CHRM3: variants seen among roughly 807,000 people sequenced by gnomAD.
The protein encoded by CHRM3 is muscarinic acetylcholine receptor M3.
A neutral mutation model predicts 41.8 loss-of-function variants in CHRM3; 11 were observed. That is an observed-to-expected ratio of 0.26 (90% CI 0.17 to 0.44). CHRM3 has a LOEUF of 0.44. Among genes scored for constraint, CHRM3 ranks in the 20% least tolerant of loss-of-function variants. CHRM3 has a pLI of 1.00. For missense variants in CHRM3, 571 were observed against 745.4 expected (o/e 0.77, Z 2.72); for synonymous variants, 297 against 301.4 (o/e 0.99, Z 0.15).
At chr1:239,708,278 TC>T (rs778011400) in intron 5 of CHRM3, among the ~76,000 whole-genome samples, 8 of 152,208 alleles carry the variant, frequency 5.3e-5, no homozygotes, top group Admixed American at 5.2e-4. Flanking sequence ...TCATCAGTGC[TC>T]ATCAGCTGTA....
At chr1:239,413,091 A>C in intron 1 of CHRM3, among the ~76,000 whole-genome samples, 1 of 5,698 alleles carries the variant, frequency 1.8e-4, no homozygotes, top group East Asian at 8.6e-3. Flanking sequence ...AACAAAAACA[A>C]AAATGAAAAA....
Position 239,907,697 on chromosome 1 carries a change from C to A in CHRM3, c.246C>A (p.Thr82=). 6.2e-7 allele frequency: 1 copy of A among 1,614,180 alleles called. No homozygotes were observed. Among genetic ancestry groups the A allele is most frequent in the Non-Finnish European group, 8.5e-7 (1 of 1,180,036 alleles). ...TAACGGGCATCCTGGCCTTGGTGAC[C>A]ATCATCGGCAACATCCTGGTAATTG... The part of the protein sequence containing the change: ...AFLTGILALV[T]IIGNILVIVS... The change falls in exon 7 of 7, where the codon ACC becomes ACA. Residue 82 remains threonine (T), a synonymous_variant. Coordinates refer to ENST00000676153, the MANE Select transcript of CHRM3 (RefSeq NM_001375978.1). This position sits in a 1 kb window ranked among gnomAD's most constrained non-coding sequence, Gnocchi z 5.4.
At chr1:239,411,583 G>T (rs893170157) in intron 1 of CHRM3, among the ~76,000 whole-genome samples, 4 of 151,584 alleles carry the variant, frequency 2.6e-5, no homozygotes, top group Non-Finnish European at 5.9e-5. Context: ...AAATTAGCTG[G>T]GCCTGGTGGC....
At chr1:239,823,981 T>C (rs1186827281) in intron 5 of CHRM3, among the ~76,000 whole-genome samples, 3 of 152,134 alleles carry the variant, frequency 2.0e-5, no homozygotes, top group East Asian at 3.9e-4. Context: ...TCTCGAATAA[T>C]AACTGTCGAA....
At chr1:239,731,691 T>G (rs1000303789) in intron 5 of CHRM3, among the ~76,000 whole-genome samples, 2 of 151,990 alleles carry the variant, frequency 1.3e-5, no homozygotes, top group Non-Finnish European at 2.9e-5. Flanking sequence ...TTTGAATATC[T>G]GGCAGCAGTT....
At chr1:239,706,703 C>T (rs997156427) in intron 5 of CHRM3, among the ~76,000 whole-genome samples, 6 of 151,278 alleles carry the variant, frequency 4.0e-5, no homozygotes, top group South Asian at 2.1e-4. Flanking sequence ...CCCACACACA[C>T]GTGTGCATGT....
intron 1 of CHRM3, among the ~76,000 whole-genome samples, chr1:239,404,536 A>C (rs1345439422): frequency 6.6e-6 from 1 of 150,960 alleles, no homozygotes; most frequent in East Asian, 2.0e-4. Flanking sequence ...GGCAAGGAGT[A>C]CATTATCTCA....
intron 4 of CHRM3, among the ~76,000 whole-genome samples, chr1:239,649,909 T>A (rs1435950020): frequency 6.6e-6 from 1 of 152,218 alleles, no homozygotes; most frequent in African/African-American, 2.4e-5. Flanking sequence ...CTGTGTTCCA[T>A]CCAATTAAAA....
rs201823094 is a variant in CHRM3, at chr1:239,910,304, A to AATATATAT, written c.*1085_*1092dup. On this transcript the variant is annotated 3_prime_UTR_variant, in exon 7 of 7. Coordinates refer to ENST00000676153, the MANE Select transcript of CHRM3 (RefSeq NM_001375978.1). ...GTCACGTTTGAATGTCATACACAGC[A>AATATATAT]ATATATATATATGTGTATATATATA... is the stretch of plus-strand genomic sequence containing the variant. 16 of 159,710 alleles carry AATATATAT rather than the reference A, an allele frequency of 1.0e-4. No homozygotes were observed. Among genetic ancestry groups the AATATATAT allele is most frequent in the African/African-American group, 3.3e-4 (13 of 39,656 alleles). The allele number at this position is 159,710 out of a possible 1,614,324, so 9.9% of individuals were successfully genotyped here.
chr1:239,817,714 G>A (rs1262034349), intron 5 of CHRM3, among the ~76,000 whole-genome samples: 7 of 151,706 alleles, frequency 4.6e-5, no homozygotes, highest in South Asian at 2.1e-4. Flanking sequence ...ACACACACTC[G>A]CACAGATCTC....
intron 6 of CHRM3, among the ~76,000 whole-genome samples, chr1:239,853,244 G>A (rs1674845931): frequency 6.6e-6 from 1 of 151,764 alleles, no homozygotes; most frequent in South Asian, 2.1e-4. Flanking sequence ...AATATTTGGA[G>A]AAGTAGTTTT....
At chr1:239,830,746 A>C (rs1176310707) in intron 6 of CHRM3, among the ~76,000 whole-genome samples, 2 of 152,122 alleles carry the variant, frequency 1.3e-5, no homozygotes, top group African/African-American at 2.4e-5. Context: ...TAAGACCATT[A>C]ATGGTGACAT....
At chr1:239,738,578 G>C (rs1356220993) in intron 5 of CHRM3, among the ~76,000 whole-genome samples, 2 of 152,122 alleles carry the variant, frequency 1.3e-5, no homozygotes, top group Non-Finnish European at 2.9e-5. Context: ...CTGTCCTCTT[G>C]AGTAGATGCA....
At chr1:239,891,120 G>A (rs1678518339) in intron 6 of CHRM3, among the ~76,000 whole-genome samples, 1 of 151,982 alleles carries the variant, frequency 6.6e-6, no homozygotes, top group Non-Finnish European at 1.5e-5. Context: ...CCCCTTTCTT[G>A]TCCTCAGGAA....
At position 239,583,500 on chromosome 1, in the gene CHRM3, G is replaced by A. The variant is rs554201553; in HGVS notation, c.-313+37751G>A. Among the ~76,000 whole-genome samples, 61 of 152,204 alleles carry A rather than the reference G, an allele frequency of 4.0e-4. 1 individual carries two copies. The highest frequency in any genetic ancestry group is 1.6e-3 in the Admixed American group (25 of 15,284). On this transcript the variant is annotated intron_variant, in intron 3 of 6. Transcript: ENST00000676153. ...GACAATGTAGTTGGGAAGACGGGAC[G>A]TCGACACAGAGAGCTATGGTCATGC...
At chr1:239,422,113 A>G (rs980791134) in intron 1 of CHRM3, among the ~76,000 whole-genome samples, 2 of 152,214 alleles carry the variant, frequency 1.3e-5, no homozygotes, top group African/African-American at 4.8e-5. Context: ...AAAAAGGGAA[A>G]GTTTATCTTT....
chr1:239,607,460 G>GT (rs1666471207), intron 3 of CHRM3, among the ~76,000 whole-genome samples: 1 of 152,028 alleles, frequency 6.6e-6, no homozygotes, highest in South Asian at 2.1e-4. Context: ...TGGATTTCTT[G>GT]TTTTTATGTC....
At chr1:239,675,360 A>G (rs1483479652) in intron 4 of CHRM3, among the ~76,000 whole-genome samples, 1 of 152,164 alleles carries the variant, frequency 6.6e-6, no homozygotes, top group Non-Finnish European at 1.5e-5. Context: ...TTGGTTTCAG[A>G]TAATACTTCA....
intron 2 of CHRM3, among the ~76,000 whole-genome samples, chr1:239,497,882 G>A (rs954175926): frequency 6.6e-6 from 1 of 152,246 alleles, no homozygotes; most frequent in Admixed American, 6.5e-5. Context: ...CAGGGGGAAA[G>A]TTATACAGTG....
Sources: allele counts gnomAD v4.1 joint callset (sites outside exome capture counted in the v4.1 genomes callset), GRCh38; gene constraint gnomAD v4.1.1; non-coding constraint Gnocchi (gnomAD v3.1); transcripts MANE v1.5; gene names NCBI Gene and HGNC (gene_info 2026-07-23, HGNC 2026-07-21).